SYBU: variants seen among roughly 807,000 people sequenced by gnomAD.
SYBU encodes GOLSYN A protein.
A neutral mutation model predicts 35.9 loss-of-function variants in SYBU; 21 were observed. The ratio of observed to expected loss-of-function variants is 0.58; its 90% CI spans 0.41 to 0.84. The LOEUF (loss-of-function observed/expected upper bound fraction) is 0.84, where lower values mean the gene tolerates loss of function less well. Among genes scored for constraint, SYBU ranks in the 40% least tolerant of loss-of-function variants. The pLI is 0.00. For missense variants in SYBU, 768 were observed against 848.2 expected (o/e 0.91, Z 1.17); for synonymous variants, 319 against 324.3 (o/e 0.98, Z 0.18).
At chr8:109,609,059 C>T (rs1810890346) in intron 3 of SYBU, among the ~76,000 whole-genome samples, 1 of 152,104 alleles carries the variant, frequency 6.6e-6, no homozygotes, top group Non-Finnish European at 1.5e-5. Flanking sequence ...AATAAACTCC[C>T]CCGACCCGTG....
upstream of SYBU, chr8:109,681,087 G>T (rs1207968913): frequency 6.6e-6 from 1 of 152,182 alleles, no homozygotes; most frequent in East Asian, 1.9e-4. Flanking sequence ...TGAACAGCTG[G>T]AAGTTTGTGG....
At chr8:109,611,448 A>AT (rs1811160693) in intron 3 of SYBU, among the ~76,000 whole-genome samples, 1 of 129,994 alleles carries the variant, frequency 7.7e-6, no homozygotes, top group East Asian at 2.4e-4. Context: ...AAAGATAAAC[A>AT]CTAAGTCCAC....
intron 3 of SYBU, among the ~76,000 whole-genome samples, chr8:109,609,459 A>G (rs1034571036): frequency 6.6e-6 from 1 of 152,180 alleles, no homozygotes; most frequent in Non-Finnish European, 1.5e-5. Context: ...ACAAAAACCT[A>G]TATTCCTTTT....
intron 3 of SYBU, among the ~76,000 whole-genome samples, chr8:109,616,099 C>T (rs1811760494): frequency 6.8e-6 from 1 of 147,372 alleles, no homozygotes; most frequent in South Asian, 2.2e-4. Context: ...GCAACCTCCG[C>T]CTCCAGGGTT....
chr8:109,585,825 C>A, intron 4 of SYBU: 1 of 531,580 alleles, frequency 1.9e-6, no homozygotes, highest in Non-Finnish European at 3.4e-6. Context: ...GGCATAGAGT[C>A]AAGGGTTGGA....
At chr8:109,663,036 G>C (rs1401407739) in intron 1 of SYBU, among the ~76,000 whole-genome samples, 1 of 152,122 alleles carries the variant, frequency 6.6e-6, no homozygotes, top group South Asian at 2.1e-4. Flanking sequence ...GGGTCATTAA[G>C]AGAAACCTGG....
chr8:109,661,078 G>A (rs1188478685), intron 1 of SYBU, among the ~76,000 whole-genome samples: 3 of 152,184 alleles, frequency 2.0e-5, no homozygotes, highest in Non-Finnish European at 2.9e-5. Flanking sequence ...AAATTGTAAG[G>A]ATTCAAATCT....
chr8:109,608,069 T>C, intron 3 of SYBU: 1 of 917,028 alleles, frequency 1.1e-6, no homozygotes, highest in Non-Finnish European at 1.6e-6. Context: ...GACTGAGCCT[T>C]CTGCATGTGC....
At position 109,644,636 on chromosome 8, in the gene SYBU, C is replaced by G; in HGVS notation, c.24G>C (p.Lys8Asn). The G allele has an allele frequency of 6.5e-7, 1 of 1,536,488 alleles. No individual in the cohort carries two copies. MGPLRESKKEHRVQHHDK... is the reference protein window; with the variant it reads MGPLRESNKEHRVQHHDK... ...GCCCGCACTGCCCCGCGCTCCTTAC[C>G]TTGCTCTCGCGGAGGGGCCCCATCG... The change falls in exon 1 of 7, where the codon AAG becomes AAC. Residue 8 changes from lysine (K) to asparagine (N), a missense_variant and splice_region_variant. By Grantham distance (94) the Lys-to-Asn change is moderately conservative. Coordinates refer to ENST00000276646, the MANE Select transcript of SYBU (RefSeq NM_001099754.2).
intron 2 of SYBU, among the ~76,000 whole-genome samples, chr8:109,637,475 C>A (rs1382411987): frequency 6.6e-6 from 1 of 152,166 alleles, no homozygotes; most frequent in African/African-American, 2.4e-5. Flanking sequence ...CGTTTATAAT[C>A]TATTTCATTA....
At chr8:109,593,460 C>T (rs1353396660) in intron 3 of SYBU, among the ~76,000 whole-genome samples, 2 of 152,058 alleles carry the variant, frequency 1.3e-5, no homozygotes, top group Non-Finnish European at 2.9e-5. Context: ...GAGGGAAAGA[C>T]AGAATGTACA....
chr8:109,610,178 C>T (rs1586820906), intron 3 of SYBU, among the ~76,000 whole-genome samples: 1 of 152,136 alleles, frequency 6.6e-6, no homozygotes, highest in African/African-American at 2.4e-5. Flanking sequence ...GACTATCCCC[C>T]ATCACTCTCC....
rs150232361 is a variant in SYBU at position 109,630,943 on chromosome 8, G to A, written c.229+11785C>T. 6.6e-4 allele frequency among the ~76,000 whole-genome samples: 101 copies of A among 152,300 alleles called. No homozygotes were observed. The East Asian group carries it at 0.018, about 28-fold the overall frequency. On this transcript the variant is annotated intron_variant, in intron 2 of 6. Coordinates refer to ENST00000276646, the MANE Select transcript of SYBU (RefSeq NM_001099754.2). Reference sequence around the variant, plus strand: ...TTGAAAGGCAGGAGGAACGCTCAGCGGGGCGGTTCACAGAAGCCACGGAGG... The same window carrying A: ...TTGAAAGGCAGGAGGAACGCTCAGCAGGGCGGTTCACAGAAGCCACGGAGG...
chr8:109,682,599 C>A (rs755525930), upstream of SYBU, among the ~76,000 whole-genome samples: 37 of 152,150 alleles, frequency 2.4e-4, no homozygotes, highest in Non-Finnish European at 4.1e-4. Context: ...AAGTTTTGAA[C>A]ATTTGCAGTC....
intron 1 of SYBU, among the ~76,000 whole-genome samples, chr8:109,678,699 A>G (rs1817293570): frequency 6.6e-6 from 1 of 152,120 alleles, no homozygotes; most frequent in East Asian, 1.9e-4. Flanking sequence ...TCGGCCTCCC[A>G]AAGTGCTGGG....
chr8:109,576,052 A>AAC (rs1471636989), intron 6 of SYBU, 39 bp from the exon 7 acceptor site: 7 of 1,491,622 alleles, frequency 4.7e-6, no homozygotes, highest in Non-Finnish European at 6.2e-6. Flanking sequence ...TAAAAAAAAA[A>AAC]AAAAAAAAAA....
intron 1 of SYBU, among the ~76,000 whole-genome samples, chr8:109,663,991 T>G (rs915027333): frequency 1.3e-5 from 2 of 152,214 alleles, no homozygotes; most frequent in African/African-American, 4.8e-5. Context: ...GTATGATCAT[T>G]TGACACATTA....
intron 2 of SYBU, among the ~76,000 whole-genome samples, chr8:109,637,477 A>G (rs1447831562): frequency 6.6e-6 from 1 of 152,110 alleles, no homozygotes; most frequent in Non-Finnish European, 1.5e-5. Flanking sequence ...TTTATAATCT[A>G]TTTCATTAGG....
chr8:109,624,391 T>A (rs1045206394), intron 2 of SYBU, among the ~76,000 whole-genome samples: 6 of 152,240 alleles, frequency 3.9e-5, no homozygotes, highest in African/African-American at 9.6e-5. Context: ...CCCTCATTGT[T>A]ATTGGAAAGT....
Sources: allele counts gnomAD v4.1 joint callset (sites outside exome capture counted in the v4.1 genomes callset), GRCh38; gene constraint gnomAD v4.1.1; transcripts MANE v1.5; gene names NCBI Gene and HGNC (gene_info 2026-07-23, HGNC 2026-07-21).